SOCS2: variants seen among roughly 807,000 people sequenced by gnomAD.
The protein encoded by SOCS2 is suppressor of cytokine signaling 2.
A neutral mutation model predicts 18.6 loss-of-function variants in SOCS2; 10 were observed. The observed-to-expected ratio is 0.54, with a 90% CI of 0.33 to 0.91. The LOEUF (loss-of-function observed/expected upper bound fraction) is 0.91, where lower values mean the gene tolerates loss of function less well. Among genes scored for constraint, SOCS2 ranks in the 40% least tolerant of loss-of-function variants. SOCS2 has a pLI of 0.02. For synonymous variants in SOCS2, 104 were observed against 104.0 expected (o/e 1.00, Z 0.00); for missense variants, 231 against 247.2 (o/e 0.93, Z 0.44).
intron 1 of SOCS2, 188 bp downstream of exon 1, chr12:93,573,224 G>A (rs183168995): frequency 2.8e-6 from 2 of 720,222 alleles, no homozygotes; most frequent in Admixed American, 5.9e-5. Flanking sequence ...GGTTCTCCAG[G>A]GACTCAGGCC....
Position 93,574,877 on chromosome 12 carries a change from T to C in SOCS2, c.295T>C (p.Tyr99His), listed in dbSNP as rs1338679125. 6.2e-6 allele frequency: 10 copies of C among 1,614,102 alleles called. No homozygotes were observed. Among genetic ancestry groups the C allele is most frequent in the Non-Finnish European group, 8.5e-6 (10 of 1,180,052 alleles). ...SAGPTNLRIE[Y>H]QDGKFRLDSI... Reference sequence around the variant, plus strand: ...TGGACCAACTAATCTTCGAATCGAATACCAAGACGGAAAATTCAGATTGGA... The same window carrying C: ...TGGACCAACTAATCTTCGAATCGAACACCAAGACGGAAAATTCAGATTGGA... The change falls in exon 2 of 2, where the codon TAC becomes CAC. Residue 99 changes from tyrosine to histidine, a missense_variant. By Grantham distance (83) the Tyr-to-His change is moderately conservative. Around this residue, in one of 3 missense-constraint regions of SOCS2, gnomAD observed 122 missense variants for 127.2 expected, o/e 0.96. Transcript: ENST00000551556.
chr12:93,585,670 G>A (rs77784671), downstream of SOCS2, among the ~76,000 whole-genome samples: 1,518 of 151,946 alleles, frequency 1.0e-2, 29 homozygotes, highest in African/African-American at 0.035. Flanking sequence ...TTTCTCTTTC[G>A]CCTTTGTCTT....
At chr12:93,570,467 A>T (rs1347645273), upstream of SOCS2, 1 of 152,272 alleles carries the variant, frequency 6.6e-6, no homozygotes, top group Non-Finnish European at 1.5e-5. Flanking sequence ...TCCCCACGCC[A>T]TCGATGTGTC....
At chr12:93,585,198 G>A (rs760379915), downstream of SOCS2, among the ~76,000 whole-genome samples, 22 of 151,162 alleles carry the variant, frequency 1.5e-4, no homozygotes, top group East Asian at 3.9e-4. Flanking sequence ...GCCATTTTAC[G>A]TTGCAGAACA....
chr12:93,614,308 C>A, the SOCS2 span, among the ~76,000 whole-genome samples: 2 of 152,162 alleles, frequency 1.3e-5, no homozygotes, highest in Non-Finnish European at 2.9e-5. Flanking sequence ...AATCTCCTAC[C>A]CTCAACTCTG....
the SOCS2 span, among the ~76,000 whole-genome samples, chr12:93,611,561 C>T: frequency 4.6e-5 from 7 of 152,256 alleles, no homozygotes; most frequent in South Asian, 4.1e-4. Flanking sequence ...GCTTTGCAGA[C>T]GGCATTATTT....
At chr12:93,578,929 TAC>T (rs1220045620), downstream of SOCS2, among the ~76,000 whole-genome samples, 5 of 152,220 alleles carry the variant, frequency 3.3e-5, no homozygotes, top group Non-Finnish European at 5.9e-5. Flanking sequence ...GTGGGATAAT[TAC>T]AGTTCTTGGC....
downstream of SOCS2, among the ~76,000 whole-genome samples, chr12:93,584,810 T>C (rs1172647402): frequency 6.6e-6 from 1 of 152,076 alleles, no homozygotes; most frequent in African/African-American, 2.4e-5. Context: ...TTGCCTAGGC[T>C]GGAGTGCAAT....
At chr12:93,571,691 G>T, upstream of SOCS2, 1 of 279,894 alleles carries the variant, frequency 3.6e-6, no homozygotes, top group South Asian at 2.6e-5. Flanking sequence ...GCTTTTGTGT[G>T]CCCTCTGCGC....
At chr12:93,601,187 T>C in the SOCS2 span, among the ~76,000 whole-genome samples, 1 of 151,980 alleles carries the variant, frequency 6.6e-6, no homozygotes. Flanking sequence ...GATATTCATT[T>C]GTATCCAGCG....
chr12:93,601,357 C>G, the SOCS2 span, among the ~76,000 whole-genome samples: 1 of 151,974 alleles, frequency 6.6e-6, no homozygotes, highest in Non-Finnish European at 1.5e-5. Context: ...TCACTGCAAC[C>G]TCCGCCTCCT....
At chr12:93,595,907 AT>A in the SOCS2 span, among the ~76,000 whole-genome samples, 348 of 150,748 alleles carry the variant, frequency 2.3e-3, 1 homozygote, top group African/African-American at 6.5e-3. Context: ...TTTGTTTTTA[AT>A]TTTTTTTTAT....
chr12:93,601,982 TAC>T, the SOCS2 span, among the ~76,000 whole-genome samples: 2 of 152,242 alleles, frequency 1.3e-5, no homozygotes, highest in South Asian at 2.1e-4. Flanking sequence ...CATCAGCATG[TAC>T]AGTTACTGAC....
the SOCS2 span, among the ~76,000 whole-genome samples, chr12:93,597,983 A>G: frequency 6.6e-6 from 1 of 152,222 alleles, no homozygotes; most frequent in African/African-American, 2.4e-5. Context: ...ACTGTGTGCT[A>G]GACCTCAGGA....
chr12:93,571,674 C>T (rs959119396), upstream of SOCS2: 3 of 262,736 alleles, frequency 1.1e-5, no homozygotes, highest in Non-Finnish European at 2.3e-5. Context: ...AGGCAATGAT[C>T]CTCGAGGCTT....
downstream of SOCS2, among the ~76,000 whole-genome samples, chr12:93,580,637 AAAAG>A (rs1954526675): frequency 5.3e-5 from 8 of 151,568 alleles, no homozygotes; most frequent in African/African-American, 1.9e-4. Flanking sequence ...AAAAAAAAAA[AAAAG>A]AAAAGGAAAA....
At chr12:93,611,671 A>G in the SOCS2 span, among the ~76,000 whole-genome samples, 2,314 of 152,308 alleles carry the variant, frequency 0.015, 72 homozygotes, top group African/African-American at 0.053. Context: ...AATTATTGGC[A>G]GCCCCAGGAG....
At chr12:93,601,951 C>G in the SOCS2 span, among the ~76,000 whole-genome samples, 1 of 152,130 alleles carries the variant, frequency 6.6e-6, no homozygotes, top group African/African-American at 2.4e-5. Context: ...ATTTAACAAC[C>G]TTATATCACT....
intron 1 of SOCS2, chr12:93,583,008 T>G (rs919127149): frequency 4.0e-5 from 6 of 151,838 alleles, no homozygotes; most frequent in East Asian, 1.9e-4. Flanking sequence ...TTGTTTTTTT[T>G]TTTTTTTTTC....
Sources: allele counts gnomAD v4.1 joint callset (sites outside exome capture counted in the v4.1 genomes callset), GRCh38; gene constraint gnomAD v4.1.1; regional missense constraint gnomAD v4.1.1; transcripts MANE v1.5; gene names NCBI Gene and HGNC (gene_info 2026-07-23, HGNC 2026-07-21).